Variants in ELAPOR2 observed in about 807,000 individuals in gnomAD.
The protein encoded by ELAPOR2 is endosome-lysosome associated apoptosis and autophagy regulator family member 2.
In ELAPOR2, 89 loss-of-function variants were observed where a neutral mutation model predicts 120.7. The ratio of observed to expected loss-of-function variants is 0.74; its 90% CI spans 0.62 to 0.88. ELAPOR2 has a LOEUF of 0.88. Ranked by LOEUF, ELAPOR2 falls within the 40% of genes least tolerant of loss-of-function variation. The pLI, the probability that ELAPOR2 is intolerant of heterozygous loss-of-function variation, is 0.00. For missense variants in ELAPOR2, 1,134 were observed against 1,251.6 expected (o/e 0.91, Z 1.42); for synonymous variants, 444 against 444.9 (o/e 1.00, Z 0.03).
At chr7:87,039,991 G>A (rs1223429300) in intron 1 of ELAPOR2, among the ~76,000 whole-genome samples, 2 of 152,210 alleles carry the variant, frequency 1.3e-5, no homozygotes, top group Non-Finnish European at 2.9e-5. Flanking sequence ...CCCTTTCCTA[G>A]TCAAAGAAAG....
At chr7:87,032,404 GAACAAA>G (rs1794449009) in intron 1 of ELAPOR2, among the ~76,000 whole-genome samples, 1 of 152,016 alleles carries the variant, frequency 6.6e-6, no homozygotes, top group Admixed American at 6.6e-5. Context: ...GTAAGGAAGA[GAACAAA>G]AACAAAAAGA....
intron 1 of ELAPOR2, among the ~76,000 whole-genome samples, chr7:87,051,639 C>T (rs570033928): frequency 2.0e-5 from 3 of 152,290 alleles, no homozygotes; most frequent in African/African-American, 4.8e-5. Context: ...GTCACATAAA[C>T]CAGTGGCAGG....
chr7:86,912,010 A>G, intron 15 of ELAPOR2, 62 bp downstream of exon 15: 2 of 1,496,590 alleles, frequency 1.3e-6, no homozygotes, highest in Non-Finnish European at 1.8e-6. Flanking sequence ...ATTAACACAG[A>G]AAATATCAAC....
At position 87,043,165 on chromosome 7, in the gene ELAPOR2, C is replaced by T. The variant is rs1345003494; in HGVS notation, c.189+16160G>A. Among the ~76,000 whole-genome samples, 3 of 151,558 alleles carry T rather than the reference C, an allele frequency of 2.0e-5. No homozygotes were observed. In the South Asian group the frequency reaches 6.3e-4, roughly 32 times the overall value. ...GTCCAGGACCAGATGGATTCACAGC[C>T]GAATTCTACCAGAGGTACAAGGAGG... On this transcript the variant is annotated intron_variant, in intron 1 of 21. Transcript: ENST00000450689.
intron 8 of ELAPOR2, among the ~76,000 whole-genome samples, chr7:86,928,563 T>C (rs1022705247): frequency 2.0e-5 from 3 of 151,938 alleles, no homozygotes; most frequent in Non-Finnish European, 2.9e-5. Context: ...GAGGTAGGTA[T>C]TGCTATCCTC....
chr7:86,897,379 T>G, intron 19 of ELAPOR2, 127 bp downstream of exon 19: 1 of 1,154,440 alleles, frequency 8.7e-7, no homozygotes, highest in Non-Finnish European at 1.2e-6. Context: ...TGATTTTAAA[T>G]GCCTACCAAT....
chr7:87,028,772 A>C (rs114839561), intron 1 of ELAPOR2, among the ~76,000 whole-genome samples: 1,586 of 152,192 alleles, frequency 0.01, 30 homozygotes, highest in African/African-American at 0.037. Context: ...TCTCATTCAG[A>C]ATAAAAGGCA....
intron 8 of ELAPOR2, among the ~76,000 whole-genome samples, chr7:86,934,086 T>C (rs568297675): frequency 6.6e-6 from 1 of 152,144 alleles, no homozygotes; most frequent in Admixed American, 6.6e-5. Context: ...GAAGTGAATA[T>C]TCTTTAATTT....
intron 1 of ELAPOR2, among the ~76,000 whole-genome samples, chr7:86,985,870 A>T (rs1171287732): frequency 2.1e-5 from 3 of 144,316 alleles, no homozygotes; most frequent in Non-Finnish European, 4.5e-5. Context: ...TCCTGTGTCC[A>T]TGTATTCTCT....
chr7:87,041,714 A>G (rs1794793947), intron 1 of ELAPOR2, among the ~76,000 whole-genome samples: 1 of 151,974 alleles, frequency 6.6e-6, no homozygotes, highest in Non-Finnish European at 1.5e-5. Context: ...TAACGAGCAA[A>G]ATAACCAGCT....
At chr7:86,982,479 C>A (rs1792540443) in intron 1 of ELAPOR2, among the ~76,000 whole-genome samples, 1 of 152,142 alleles carries the variant, frequency 6.6e-6, no homozygotes, top group Non-Finnish European at 1.5e-5. Flanking sequence ...GATCAGGCAG[C>A]AATATTTGCT....
intron 19 of ELAPOR2, among the ~76,000 whole-genome samples, chr7:86,894,964 T>C (rs184231040): frequency 2.6e-5 from 4 of 152,166 alleles, no homozygotes; most frequent in African/African-American, 9.6e-5. Flanking sequence ...TTTTTGTTTA[T>C]ATCAGCTGTA....
chr7:86,947,747 G>T lies in ELAPOR2; in HGVS notation c.486C>A (p.Ser162Arg). Residue 162 changes from serine (S) to arginine (R), a missense_variant, in exon 3 of 22, where the codon AGC becomes AGA. Transcript: ENST00000450689. The stretch of plus-strand genomic sequence containing the variant: ...CTTACTTGTTACAGCCGTCTGGCCT[G>T]CTGTCAGAAGGGCCCACCACAGTGT... ...FMDTVVGPSDSRPDGCNNSSW... is the reference protein window; with the variant it reads ...FMDTVVGPSDRRPDGCNNSSW... The T allele has an allele frequency of 6.4e-7, 1 of 1,551,482 alleles. No individual in the cohort carries two copies. The highest frequency in any genetic ancestry group is 8.7e-7 in the Non-Finnish European group (1 of 1,146,808).
intron 2 of ELAPOR2, among the ~76,000 whole-genome samples, chr7:86,959,468 A>C (rs766609519): frequency 2.0e-5 from 3 of 152,194 alleles, no homozygotes; most frequent in Non-Finnish European, 4.4e-5. Flanking sequence ...TGCTTGTCCT[A>C]TATGGCCTTT....
At chr7:86,914,622 C>T in intron 13 of ELAPOR2, 101 bp downstream of exon 13, 1 of 914,678 alleles carries the variant, frequency 1.1e-6, no homozygotes, top group Non-Finnish European at 1.6e-6. Flanking sequence ...TTTTAAAAAG[C>T]AGTCCTTTCT....
At chr7:87,007,888 A>G (rs926932376) in intron 1 of ELAPOR2, among the ~76,000 whole-genome samples, 4 of 152,212 alleles carry the variant, frequency 2.6e-5, no homozygotes, top group Admixed American at 6.5e-5. Flanking sequence ...AATGAGGAAG[A>G]AGGGAAAGGC....
chr7:87,048,767 A>G (rs1402901874), intron 1 of ELAPOR2, among the ~76,000 whole-genome samples: 1 of 152,214 alleles, frequency 6.6e-6, no homozygotes, highest in Non-Finnish European at 1.5e-5. Context: ...GTACCCACAA[A>G]AGTTAAAAAT....
intron 2 of ELAPOR2, among the ~76,000 whole-genome samples, chr7:86,950,833 C>A (rs184676000): frequency 6.6e-6 from 1 of 152,308 alleles, no homozygotes. Context: ...GGGTTTCCAG[C>A]TGGTGAAGTG....
At chr7:87,037,058 C>G (rs560823364) in intron 1 of ELAPOR2, among the ~76,000 whole-genome samples, 1 of 152,280 alleles carries the variant, frequency 6.6e-6, no homozygotes, top group East Asian at 1.9e-4. Flanking sequence ...TCCTTCTCTA[C>G]TGGCTGTACC....
Sources: allele counts gnomAD v4.1 joint callset (sites outside exome capture counted in the v4.1 genomes callset), GRCh38; gene constraint gnomAD v4.1.1; transcripts MANE v1.5; gene names NCBI Gene and HGNC (gene_info 2026-07-23, HGNC 2026-07-21).